The following NCALD variants were observed in gnomAD, a reference collection of about 807,000 sequenced individuals.
NCALD encodes the protein neurocalcin delta.
A neutral mutation model predicts 18.6 loss-of-function variants in NCALD; 10 were observed. The observed-to-expected ratio is 0.54, with a 90% CI of 0.33 to 0.91. The LOEUF is 0.91. Ranked by LOEUF, NCALD falls within the 40% of genes least tolerant of loss-of-function variation. The pLI, the probability that NCALD is intolerant of heterozygous loss-of-function variation, is 0.03. For missense variants in NCALD, 184 were observed against 247.6 expected, an observed-to-expected ratio of 0.74 and a Z score of 1.72; for synonymous variants, 88 against 87.4, an observed-to-expected ratio of 1.01 and a Z score of -0.04.
At chr8:102,088,721 C>CA (rs761160722) in intron 1 of NCALD, among the ~76,000 whole-genome samples, 2 of 146,856 alleles carry the variant, frequency 1.4e-5, no homozygotes, top group African/African-American at 5.0e-5. Flanking sequence ...AAAACAAAAA[C>CA]AAAAAACCTC....
chr8:101,998,105 C>T (rs1821307334), intron 2 of NCALD, among the ~76,000 whole-genome samples: 2 of 152,108 alleles, frequency 1.3e-5, no homozygotes, highest in Admixed American at 1.3e-4. Context: ...GCAGGCTCCA[C>T]ATTCTTAAAG....
intron 2 of NCALD, among the ~76,000 whole-genome samples, chr8:101,697,560 A>G (rs1179828550): frequency 2.0e-5 from 3 of 152,208 alleles, no homozygotes; most frequent in Admixed American, 6.5e-5. Flanking sequence ...AATACTGACA[A>G]GCCAAATCCA....
At chr8:101,965,463 A>G (rs970697295) in intron 2 of NCALD, among the ~76,000 whole-genome samples, 1 of 152,214 alleles carries the variant, frequency 6.6e-6, no homozygotes, top group East Asian at 1.9e-4. Context: ...TGTACTTTGC[A>G]GGGACATGGA....
Position 101,778,082 on chromosome 8 carries a change from C to A in NCALD, c.-20+12780G>T, listed in dbSNP as rs1429734078. Among the ~76,000 whole-genome samples, 4 of 152,164 alleles carry A rather than the reference C, an allele frequency of 2.6e-5. No homozygotes were observed. The East Asian group carries it at 7.7e-4, about 29-fold the overall frequency. On this transcript the variant is annotated intron_variant, in intron 1 of 3. Transcript: ENST00000220931. ...CCCCTTTAAGATTTGTACAGAAAGGCAGTACATAAAAGTAGTTCATCCCTA... is the reference window on the plus strand; with the variant it reads ...CCCCTTTAAGATTTGTACAGAAAGGAAGTACATAAAAGTAGTTCATCCCTA...
At chr8:102,083,661 ACT>A (rs1423917809) in intron 1 of NCALD, among the ~76,000 whole-genome samples, 3 of 151,924 alleles carry the variant, frequency 2.0e-5, no homozygotes, top group Non-Finnish European at 4.4e-5. Flanking sequence ...GGCACTCTCA[ACT>A]CTTTTTAGCT....
chr8:102,031,083 T>TA (rs1822653899), intron 1 of NCALD, among the ~76,000 whole-genome samples: 1 of 152,100 alleles, frequency 6.6e-6, no homozygotes, highest in Admixed American at 6.5e-5. Flanking sequence ...CTTCCTGATG[T>TA]AAAAACACAC....
At chr8:101,834,525 T>C (rs1814330271) in intron 4 of NCALD, among the ~76,000 whole-genome samples, 1 of 152,274 alleles carries the variant, frequency 6.6e-6, no homozygotes, top group Non-Finnish European at 1.5e-5. Flanking sequence ...AAGCCCATGC[T>C]GGCCCTATTT....
At chr8:101,820,614 T>C (rs1286991686) in intron 4 of NCALD, among the ~76,000 whole-genome samples, 8 of 152,222 alleles carry the variant, frequency 5.3e-5, no homozygotes, top group Non-Finnish European at 2.9e-5. Flanking sequence ...CCAGTCTCTA[T>C]AGTTTTTGCC....
intron 1 of NCALD, among the ~76,000 whole-genome samples, chr8:101,754,523 G>A (rs1337851395): frequency 6.6e-6 from 1 of 152,132 alleles, no homozygotes; most frequent in African/African-American, 2.4e-5. Context: ...GTCCTCATGT[G>A]GTGGAAGGGG....
intron 1 of NCALD, among the ~76,000 whole-genome samples, chr8:102,104,035 A>C (rs1825370626): frequency 1.3e-5 from 2 of 152,214 alleles, no homozygotes. Context: ...ATACGCATAC[A>C]AACACATACA....
chr8:101,989,917 A>C (rs567374310), intron 2 of NCALD, among the ~76,000 whole-genome samples: 18 of 152,224 alleles, frequency 1.2e-4, no homozygotes, highest in Non-Finnish European at 2.4e-4. Context: ...ATTCTCTGAC[A>C]ATTGGGTTTA....
rs1816249972 is a variant in NCALD at position 101,719,490 on chromosome 8, T to C, written c.140A>G (p.Glu47Gly). 1 of 1,614,098 alleles carries C rather than the reference T, an allele frequency of 6.2e-7. No homozygotes were observed. ...AAAGTTCCCATATATTTTCTTAAAC[T>C]CTTCCATTGACAAATGTCCACTGGG... ...DCPSGHLSME[E>G]FKKIYGNFFP... is the part of the protein sequence containing the mutation. Residue 47 changes from glutamate to glycine, a missense_variant, in exon 2 of 4, where the codon GAG (glutamate) becomes GGG (glycine). Transcript: ENST00000220931.
At chr8:101,924,022 C>G (rs1343052757) in intron 2 of NCALD, among the ~76,000 whole-genome samples, 1 of 152,086 alleles carries the variant, frequency 6.6e-6, no homozygotes, top group Non-Finnish European at 1.5e-5. Flanking sequence ...TCCCATCATC[C>G]AGGCCATAAG....
At chr8:102,017,085 A>AT (rs1047087868) in intron 2 of NCALD, among the ~76,000 whole-genome samples, 18 of 152,172 alleles carry the variant, frequency 1.2e-4, no homozygotes, top group Non-Finnish European at 2.5e-4. Context: ...AAGAGAAAGA[A>AT]TTTTTTTAAC....
Position 101,962,096 on chromosome 8 carries a change from A to G in NCALD, c.-156-46238T>C, listed in dbSNP as rs1483064760. Among the ~76,000 whole-genome samples, 3 of 152,322 alleles carry G rather than the reference A, an allele frequency of 2.0e-5. No homozygotes were observed. The East Asian group carries it at 5.8e-4, about 29-fold the overall frequency. ...GTGGCTTATTCATTTTGTTATTTAA[A>G]AAAAAATGCAGAAGTCCATACTTAA... On this transcript the variant is annotated intron_variant, in intron 2 of 6. Transcript: ENST00000311028.
intron 1 of NCALD, among the ~76,000 whole-genome samples, chr8:102,073,779 C>T (rs1319310665): frequency 7.2e-5 from 11 of 152,118 alleles, no homozygotes; most frequent in Admixed American, 7.2e-4. Context: ...AGGCAGGGTC[C>T]TAATGCTGTA....
At chr8:101,917,164 CAATAAA>C (rs1563894057) in intron 2 of NCALD, among the ~76,000 whole-genome samples, 1 of 151,802 alleles carries the variant, frequency 6.6e-6, no homozygotes, top group African/African-American at 2.4e-5. Flanking sequence ...GATTATAGTG[CAATAAA>C]AATAGAAATA....
chr8:101,730,634 G>A (rs959780771), intron 1 of NCALD, among the ~76,000 whole-genome samples: 1 of 151,990 alleles, frequency 6.6e-6, no homozygotes, highest in Non-Finnish European at 1.5e-5. Context: ...GCTAAGCATC[G>A]AATTAGGTAA....
At chr8:101,818,553 C>T (rs1438052793) in intron 4 of NCALD, among the ~76,000 whole-genome samples, 1 of 152,172 alleles carries the variant, frequency 6.6e-6, no homozygotes, top group Non-Finnish European at 1.5e-5. Context: ...TAAATATCTT[C>T]CACAAGACTT....
Sources: allele counts gnomAD v4.1 joint callset (sites outside exome capture counted in the v4.1 genomes callset), GRCh38; gene constraint gnomAD v4.1.1; transcripts MANE v1.5; gene names NCBI Gene and HGNC (gene_info 2026-07-23, HGNC 2026-07-21).